The following PLEKHG1 variants were observed in gnomAD, a reference collection of about 807,000 sequenced individuals.
PLEKHG1 encodes pleckstrin homology domain-containing family G member 1.
In PLEKHG1, 44 loss-of-function variants were observed where a neutral mutation model predicts 100.8. The ratio of observed to expected loss-of-function variants is 0.44; its 90% CI spans 0.34 to 0.56. The LOEUF is 0.56. PLEKHG1 is among the 20% of genes least tolerant of loss of function. The pLI is 0.01. For missense variants in PLEKHG1, 1,545 were observed against 1,720.9 expected (o/e 0.90, Z 1.81); for synonymous variants, 640 against 662.5 (o/e 0.97, Z 0.52).
At chr6:150,639,705 C>T (rs1778169187) in intron 2 of PLEKHG1, among the ~76,000 whole-genome samples, 1 of 152,020 alleles carries the variant, frequency 6.6e-6, no homozygotes, top group Non-Finnish European at 1.5e-5. Flanking sequence ...AGGATTGAAG[C>T]AAAGAACTCC....
intron 1 of PLEKHG1, among the ~76,000 whole-genome samples, chr6:150,606,367 CCTT>C (rs756636380): frequency 1.3e-5 from 2 of 152,184 alleles, no homozygotes; most frequent in Non-Finnish European, 1.5e-5. Flanking sequence ...CATAAATACT[CCTT>C]CTCTCCTCCC....
At chr6:150,630,756 G>A (rs576812836) in intron 1 of PLEKHG1, among the ~76,000 whole-genome samples, 8 of 152,238 alleles carry the variant, frequency 5.3e-5, no homozygotes, top group Admixed American at 4.6e-4. Context: ...CAATCACCGG[G>A]CTAGATGAGG....
chr6:150,662,971 A>G (rs920595376), intron 3 of PLEKHG1: 3 of 152,208 alleles, frequency 2.0e-5, no homozygotes, highest in Non-Finnish European at 4.4e-5. Context: ...GAAAAGTATG[A>G]TGATACTCAT....
At chr6:150,685,759 T>G (rs775524484) in intron 3 of PLEKHG1, among the ~76,000 whole-genome samples, 1 of 152,340 alleles carries the variant, frequency 6.6e-6, no homozygotes, top group South Asian at 2.1e-4. Flanking sequence ...TTAAATGTGA[T>G]CAGTTTTAGG....
chr6:150,838,018 G>T (rs1777320743), intron 15 of PLEKHG1, among the ~76,000 whole-genome samples: 1 of 152,192 alleles, frequency 6.6e-6, no homozygotes, highest in Non-Finnish European at 1.5e-5. Flanking sequence ...GGAATAGGGG[G>T]TGAGGGATTG....
At chr6:150,821,285 T>A in intron 13 of PLEKHG1, 52 bp downstream of exon 14, 2 of 1,150,650 alleles carry the variant, frequency 1.7e-6, no homozygotes, top group South Asian at 2.5e-5. Context: ...ATTCACTAAA[T>A]CAAACCACAC....
chr6:150,699,744 T>G (rs1052986954), intron 3 of PLEKHG1, among the ~76,000 whole-genome samples: 1 of 152,202 alleles, frequency 6.6e-6, no homozygotes, highest in Non-Finnish European at 1.5e-5. Context: ...TTCGGTGGTG[T>G]CTCTACTTTC....
intron 4 of PLEKHG1, among the ~76,000 whole-genome samples, chr6:150,792,497 ACC>A (rs1786048553): frequency 6.6e-6 from 1 of 151,748 alleles, no homozygotes; most frequent in Non-Finnish European, 1.5e-5. Flanking sequence ...ACATGGCTAA[ACC>A]CCATCTCTAC....
chr6:150,709,543 T>A (rs1356155684), intron 3 of PLEKHG1, among the ~76,000 whole-genome samples: 2 of 152,120 alleles, frequency 1.3e-5, no homozygotes, highest in African/African-American at 2.4e-5. Flanking sequence ...AACCTTAGAT[T>A]TTTAGATTTG....
intron 3 of PLEKHG1, among the ~76,000 whole-genome samples, chr6:150,706,221 GGTAAAT>G (rs980041715): frequency 9.2e-5 from 14 of 152,262 alleles, no homozygotes; most frequent in African/African-American, 3.4e-4. Flanking sequence ...CATAAGGGTG[GGTAAAT>G]GTTAGCAACC....
At chr6:150,731,398 A>G (rs940063018) in intron 1 of PLEKHG1, among the ~76,000 whole-genome samples, 1 of 152,176 alleles carries the variant, frequency 6.6e-6, no homozygotes, top group African/African-American at 2.4e-5. Context: ...CTTGACTCGG[A>G]ATTAGTTCCT....
chr6:150,763,614 C>T (rs113187402), intron 2 of PLEKHG1, among the ~76,000 whole-genome samples: 7,319 of 152,248 alleles, frequency 0.048, 540 homozygotes, highest in African/African-American at 0.16. Context: ...CTGCCCAGGC[C>T]TCTGCAGATG....
In PLEKHG1 at chr6:150,840,690, G is replaced by A. The variant is rs140373683; in HGVS notation, c.3952G>A (p.Gly1318Ser). The A allele has an allele frequency of 1.7e-4, 282 of 1,614,132 alleles. 2 individuals carry two copies. The African/African-American group carries it at 3.3e-3, about 19-fold the overall frequency. Residue 1318 changes from glycine to serine, a missense_variant, in exon 16 of 16, where the codon GGC becomes AGC. Coordinates refer to ENST00000358517, the Ensembl canonical transcript of PLEKHG1. ...TGACTTTTCTGATAATGTCTGCAGCGGCAACACATTGCATTCTTTGAATAG... is the reference window on the plus strand; with the variant it reads ...TGACTTTTCTGATAATGTCTGCAGCAGCAACACATTGCATTCTTTGAATAG...
intron 3 of PLEKHG1, among the ~76,000 whole-genome samples, chr6:150,778,600 T>G (rs2128646133): frequency 6.6e-6 from 1 of 152,336 alleles, no homozygotes; most frequent in Non-Finnish European, 1.5e-5. Context: ...AATGTGATAT[T>G]ATGTTGTTTA....
At position 150,702,557 on chromosome 6, in the gene PLEKHG1, GGTGTGTGT is replaced by G. The variant is rs56768740; in HGVS notation, c.-98-31000_-98-30993del. Among the ~76,000 whole-genome samples, 42 of 142,828 alleles carry G rather than the reference GGTGTGTGT, an allele frequency of 2.9e-4. 1 individual carries two copies. The highest frequency in any genetic ancestry group is 8.5e-4 in the African/African-American group (32 of 37,536). The allele number at this position is 142,828 out of a possible 152,430, so 93.7% of individuals were successfully genotyped here. On this transcript the variant is annotated intron_variant, in intron 3 of 3. Transcript: ENST00000367326. ...AGCAGTACTTCTCATTTTGTTTTGG[GGTGTGTGT>G]GTGTGTGTGTGTGTGTGTGTGTGTG...
At chr6:150,733,655 C>A (rs755349034) in exon 2 of PLEKHG1, 2 of 1,613,912 alleles carry the variant, frequency 1.2e-6, no homozygotes, top group Non-Finnish European at 1.7e-6. Flanking sequence ...GACAGCCAGG[C>A]GTTCCTGCCC....
intron 1 of PLEKHG1, among the ~76,000 whole-genome samples, chr6:150,729,128 G>A (rs900313891): frequency 5.9e-5 from 9 of 152,136 alleles, no homozygotes; most frequent in Non-Finnish European, 1.0e-4. Context: ...GTCTCACTTT[G>A]CCACCCAGGC....
intron 3 of PLEKHG1, among the ~76,000 whole-genome samples, chr6:150,670,876 C>T (rs117322008): frequency 0.076 from 11,431 of 151,134 alleles, 540 homozygotes; most frequent in Non-Finnish European, 0.1. Context: ...CTTGCCCCCC[C>T]CTCCCATTCT....
intron 3 of PLEKHG1, among the ~76,000 whole-genome samples, chr6:150,688,494 T>C (rs1212433089): frequency 6.6e-6 from 1 of 151,976 alleles, no homozygotes; most frequent in Non-Finnish European, 1.5e-5. Context: ...CTAATTTTTG[T>C]ATTTTTTAGT....
Sources: allele counts gnomAD v4.1 joint callset (sites outside exome capture counted in the v4.1 genomes callset), GRCh38; gene constraint gnomAD v4.1.1; transcripts MANE v1.5; gene names NCBI Gene and HGNC (gene_info 2026-07-23, HGNC 2026-07-21).